Variants in DNAJC13 observed in about 807,000 individuals in gnomAD.
The protein encoded by DNAJC13 is dnaJ homolog subfamily C member 13.
DNAJC13 carries 75 observed loss-of-function variants against 290.5 expected under a neutral mutation model. That is an observed-to-expected ratio of 0.26 (90% CI 0.21 to 0.31). The LOEUF (loss-of-function observed/expected upper bound fraction) is 0.31, where lower values mean the gene tolerates loss of function less well. Among genes scored for constraint, DNAJC13 ranks in the 10% least tolerant of loss-of-function variants. DNAJC13 has a pLI of 1.00. For synonymous variants in DNAJC13, 862 were observed against 892.0 expected, an observed-to-expected ratio of 0.97 and a Z score of 0.60; for missense variants, 2,260 against 2,674.5, an observed-to-expected ratio of 0.85 and a Z score of 3.42.
chr3:132,471,731 G>C (rs1304130484), intron 20 of DNAJC13, among the ~76,000 whole-genome samples: 1 of 124,738 alleles, frequency 8.0e-6, no homozygotes, highest in African/African-American at 2.9e-5. Flanking sequence ...ATGGGATGGC[G>C]GCCGGGCGGA....
chr3:132,447,927 A>G lies in DNAJC13; in HGVS notation c.324A>G (p.Lys108=). The G allele has an allele frequency of 6.3e-7, 1 of 1,579,200 alleles. No homozygotes were observed. Among genetic ancestry groups the G allele is most frequent in the Non-Finnish European group, 8.7e-7 (1 of 1,151,096 alleles). The change falls in exon 5 of 56, where the codon AAA becomes AAG. Residue 108 remains lysine (K), a synonymous_variant. Coordinates refer to ENST00000260818, the MANE Select transcript of DNAJC13 (RefSeq NM_015268.4). ...LRFRTDFSEG[K]ITGRRYNCYK... is the part of the protein sequence containing the mutation. ...TTAGAACTGATTTTTCAGAGGGAAA[A>G]ATCACAGGAAGGGTAAATATTTAAC...
chr3:132,427,759 C>A (rs1472243637), intron 1 of DNAJC13, among the ~76,000 whole-genome samples: 1 of 152,090 alleles, frequency 6.6e-6, no homozygotes. Flanking sequence ...CTGGTAAGTT[C>A]TTGAAAATAA....
intron 54 of DNAJC13, among the ~76,000 whole-genome samples, chr3:132,528,851 G>A (rs551603284): frequency 5.3e-5 from 8 of 151,690 alleles, no homozygotes; most frequent in Non-Finnish European, 1.0e-4. Flanking sequence ...CTTCAGGCCT[G>A]TTCAGTAATT....
chr3:132,453,272 C>G, intron 6 of DNAJC13, 26 bp from the exon 7 acceptor site: 2 of 1,604,524 alleles, frequency 1.2e-6, no homozygotes, highest in East Asian at 2.2e-5. Context: ...TCAACTCTGA[C>G]TTTTTAAATT....
At chr3:132,507,429 T>C (rs1335620622) in intron 43 of DNAJC13, 76 bp downstream of exon 43, 9 of 845,418 alleles carry the variant, frequency 1.1e-5, no homozygotes, top group African/African-American at 1.7e-5. Context: ...ATTCACACTT[T>C]ATAGAGGCAC....
chr3:132,507,497 G>A (rs1172397519), intron 43 of DNAJC13, 144 bp downstream of exon 43: 2 of 614,070 alleles, frequency 3.3e-6, no homozygotes, highest in South Asian at 4.4e-5. Context: ...ACAAATCAAA[G>A]GTTTTTGGCA....
intron 1 of DNAJC13, among the ~76,000 whole-genome samples, chr3:132,428,998 G>T (rs1389226096): frequency 6.6e-6 from 1 of 152,194 alleles, no homozygotes; most frequent in Non-Finnish European, 1.5e-5. Flanking sequence ...CTCCCAAAGT[G>T]CCAGGATTAC....
intron 20 of DNAJC13, among the ~76,000 whole-genome samples, chr3:132,470,742 G>A (rs1282290321): frequency 1.7e-5 from 2 of 114,580 alleles, no homozygotes; most frequent in Admixed American, 7.7e-5. Flanking sequence ...AGGGGCGGCC[G>A]GGCAGAGGCG....
At position 132,499,198 on chromosome 3, in the gene DNAJC13, T is replaced by C; in HGVS notation, c.4229T>C (p.Leu1410Pro). The C allele has an allele frequency of 6.2e-7, 1 of 1,614,092 alleles. No individual in the cohort carries two copies. The highest frequency in any genetic ancestry group is 8.5e-7 in the Non-Finnish European group (1 of 1,179,946). ...RTITMETSDD[L>P]LFSKESPLLP... ...ATAACAATGGAAACTTCAGATGACC[T>C]CCTTTTCTCAAAAGAATCACCATTG... Residue 1410 changes from leucine to proline, a missense_variant, in exon 37 of 56, where the codon CTC becomes CCC. By Grantham distance (98) the Leu-to-Pro change is moderately conservative. This residue lies in a region of DNAJC13 where 1,494 missense variants were observed against 1,693.7 expected (regional missense o/e 0.88). Coordinates refer to ENST00000260818, the MANE Select transcript of DNAJC13 (RefSeq NM_015268.4).
rs368630625 is a variant in DNAJC13 at position 132,444,586 on chromosome 3, G to A, written c.69-1889G>A. ...TCACAGAATAAAATAAACAAATTCT[G>A]TAGTTTTATTTCAGGATTGTAAGGA... On this transcript the variant is annotated intron_variant, in intron 2 of 55. Transcript: ENST00000260818. Among the ~76,000 whole-genome samples, 29 of 152,282 alleles carry A rather than the reference G, an allele frequency of 1.9e-4. No individual in the cohort carries two copies. The East Asian group carries it at 5.4e-3, about 28-fold the overall frequency.
At position 132,466,359 on chromosome 3, in the gene DNAJC13, C is replaced by A; in HGVS notation, c.2029C>A (p.Arg677=). 6.2e-7 allele frequency: 1 copy of A among 1,601,970 alleles called. No individual in the cohort carries two copies. The highest frequency in any genetic ancestry group is 8.5e-7 in the Non-Finnish European group (1 of 1,176,668). The change falls in exon 19 of 56, where the codon CGG becomes AGG. Residue 677 remains arginine, a synonymous_variant. Coordinates refer to ENST00000260818, the MANE Select transcript of DNAJC13 (RefSeq NM_015268.4). Reference sequence around the variant, plus strand: ...TCTCGTACCTGAGAAGGATGCTGATCGGATGCATGTTAGAGACAATGTGAA... The same window carrying A: ...TCTCGTACCTGAGAAGGATGCTGATAGGATGCATGTTAGAGACAATGTGAA... ...SDLVPEKDAD[R]MHVRDNVKIA...
rs1934633246 is a variant in DNAJC13 at position 132,480,531 on chromosome 3, A to G, written c.2874+61A>G. The stretch of plus-strand genomic sequence containing the variant: ...TTCTTTGAGTATAATTTTAGAGGCA[A>G]AAGAATCATAGAAATCTGAAAAGAT... On this transcript the variant is annotated intron_variant, in intron 26 of 55. Coordinates refer to ENST00000260818, the MANE Select transcript of DNAJC13 (RefSeq NM_015268.4). 4.9e-6 allele frequency: 6 copies of G among 1,233,992 alleles called. No individual in the cohort carries two copies. The Admixed American group carries it at 7.4e-5, about 15-fold the overall frequency. 76.4% of individuals were successfully genotyped at this position (1,233,992 alleles called of 1,614,324 possible).
intron 30 of DNAJC13, among the ~76,000 whole-genome samples, 189 bp downstream of exon 30, chr3:132,488,641 CCA>C (rs776494859): frequency 1.3e-5 from 2 of 151,746 alleles, no homozygotes; most frequent in East Asian, 3.9e-4. Flanking sequence ...TACCACTATT[CCA>C]CATCTAGCAT....
rs80120242 is a variant in DNAJC13, at chr3:132,516,500, A to T, written c.5560+4A>T. 0.05 allele frequency: 80,492 copies of T among 1,613,294 alleles called. 2,265 individuals carry two copies. The highest frequency in any genetic ancestry group is 0.066 in the South Asian group (6,038 of 91,060). On this transcript the variant is annotated splice_donor_region_variant and intron_variant, in intron 47 of 55. Transcript: ENST00000260818. ...ATCAAAGAAGCAATGGCAAAGGGTAATGTATAGAGTGCTTTCTTAGCTAGT... is the reference window on the plus strand; with the variant it reads ...ATCAAAGAAGCAATGGCAAAGGGTATTGTATAGAGTGCTTTCTTAGCTAGT...
chr3:132,488,537 A>T, intron 30 of DNAJC13, 85 bp downstream of exon 30: 2 of 1,282,474 alleles, frequency 1.6e-6, no homozygotes, highest in Non-Finnish European at 2.1e-6. Flanking sequence ...TGAGTACCTT[A>T]TTGCTTTTAT....
At chr3:132,514,331 A>G (rs1269905684) in intron 45 of DNAJC13, among the ~76,000 whole-genome samples, 1 of 152,084 alleles carries the variant, frequency 6.6e-6, no homozygotes, top group Non-Finnish European at 1.5e-5. Context: ...GGAAAACACT[A>G]TAGTATATAC....
chr3:132,502,192 G>T (rs2107720286), intron 39 of DNAJC13, 97 bp from the exon 40 acceptor site: 2 of 1,055,974 alleles, frequency 1.9e-6, no homozygotes, highest in East Asian at 4.9e-5. Context: ...AAATAACGTG[G>T]TTGGCTTGAC....
rs951578964 is a variant in DNAJC13, at chr3:132,477,891, T to C, written c.2548T>C (p.Ser850Pro). The C allele has an allele frequency of 2.5e-6, 4 of 1,612,190 alleles. No homozygotes were observed. The highest frequency in any genetic ancestry group is 3.4e-6 in the Non-Finnish European group (4 of 1,179,080). ...TGAAGAAAGTGGATCAATTAAGAGA[T>C]CGTGAGCTACTCTGTATATCCTGTC... ...ENEESGSIKR[S>P]YEFFNELYHR... Residue 850 changes from serine to proline, a missense_variant and splice_region_variant, in exon 23 of 56, where the codon TCG (serine) becomes CCG (proline). This residue lies in a region of DNAJC13 where 1,494 missense variants were observed against 1,693.7 expected (regional missense o/e 0.88). Transcript: ENST00000260818.
rs545609869 is a variant in DNAJC13 at position 132,445,377 on chromosome 3, C to A, written c.69-1098C>A. 1.7e-3 allele frequency among the ~76,000 whole-genome samples: 253 copies of A among 151,852 alleles called. 1 individual carries two copies. The highest frequency in any genetic ancestry group is 2.7e-3 in the Admixed American group (41 of 15,256). ...CACGGTGTATTACTATTTTAAAATG[C>A]GACTTGATTGTTACTGCTAATATTA... On this transcript the variant is annotated intron_variant, in intron 2 of 55. Transcript: ENST00000260818.
Sources: gnomAD v4.1 joint callset for allele counts (sites outside exome capture counted in the v4.1 genomes callset) on GRCh38, gnomAD v4.1.1 for gene constraint, gnomAD v4.1.1 regional missense constraint, MANE v1.5 for transcripts, NCBI Gene and HGNC (gene_info 2026-07-23, HGNC 2026-07-21) for gene names.